The following SLIT1 variants were observed in gnomAD, a reference collection of about 807,000 sequenced individuals.
The protein encoded by SLIT1 is slit homolog 1 protein.
SLIT1 carries 66 observed loss-of-function variants against 186.1 expected under a neutral mutation model. The observed-to-expected ratio is 0.35, with a 90% CI of 0.29 to 0.44. SLIT1 has a LOEUF of 0.44. Among genes scored for constraint, SLIT1 ranks in the 20% least tolerant of loss-of-function variants. The pLI is 1.00. For synonymous variants in SLIT1, 761 were observed against 833.8 expected, an observed-to-expected ratio of 0.91 and a Z score of 1.50; for missense variants, 1,638 against 2,037.4, an observed-to-expected ratio of 0.80 and a Z score of 3.77.
intron 31 of SLIT1, among the ~76,000 whole-genome samples, chr10:97,007,331 G>T (rs1848367430): frequency 1.3e-5 from 2 of 152,108 alleles, no homozygotes; most frequent in South Asian, 4.1e-4. Flanking sequence ...CCCAGGCCCA[G>T]ATGGTTTAAC....
intron 4 of SLIT1, among the ~76,000 whole-genome samples, chr10:97,126,524 A>G (rs1427357452): frequency 6.6e-6 from 1 of 152,194 alleles, no homozygotes; most frequent in African/African-American, 2.4e-5. Context: ...TTCTTCACTG[A>G]TACATTTTAC....
chr10:97,114,747 G>C (rs1849494874), intron 4 of SLIT1, among the ~76,000 whole-genome samples: 1 of 152,132 alleles, frequency 6.6e-6, no homozygotes, highest in Non-Finnish European at 1.5e-5. Context: ...GAGTCCTAAG[G>C]AAGCTCGTCT....
At chr10:97,032,338 G>A (rs573123517) in intron 23 of SLIT1, among the ~76,000 whole-genome samples, 2 of 152,230 alleles carry the variant, frequency 1.3e-5, no homozygotes, top group South Asian at 4.1e-4. Context: ...GGAAGCTGAG[G>A]TGGGCGGATC....
At chr10:97,163,617 C>T (rs1484501369) in intron 2 of SLIT1, among the ~76,000 whole-genome samples, 166 bp from the exon 3 acceptor site, 2 of 152,262 alleles carry the variant, frequency 1.3e-5, no homozygotes, top group Non-Finnish European at 2.9e-5. Flanking sequence ...CTGGCCTGAG[C>T]GGACTCAATT....
At chr10:97,032,023 A>G (rs952903004) in intron 23 of SLIT1, among the ~76,000 whole-genome samples, 4 of 152,258 alleles carry the variant, frequency 2.6e-5, no homozygotes, top group Middle Eastern at 3.2e-3. Flanking sequence ...TGCTGTTGTT[A>G]TGATTGAGAA....
Position 97,004,984 on chromosome 10 carries a change from G to C in SLIT1, c.3580-161C>G, listed in dbSNP as rs537839403. On this transcript the variant is annotated intron_variant, in intron 32 of 36. Transcript: ENST00000266058. The surrounding 1 kb of genome is among the most constrained non-coding windows in gnomAD (Gnocchi z 5.1). Reference sequence around the variant, plus strand: ...CTCCCCAAGGCCATTCCTCCAGGGGGCACCAATAGGGGCTGCAGCCTCTGG... The same window carrying C: ...CTCCCCAAGGCCATTCCTCCAGGGGCCACCAATAGGGGCTGCAGCCTCTGG... Among the ~76,000 whole-genome samples, 2 of 152,276 alleles carry C rather than the reference G, an allele frequency of 1.3e-5. No homozygotes were observed. Among genetic ancestry groups the C allele is most frequent in the East Asian group, 3.9e-4 (2 of 5,180 alleles).
chr10:97,015,857 C>T (rs1003029508), intron 28 of SLIT1, among the ~76,000 whole-genome samples: 1 of 151,702 alleles, frequency 6.6e-6, no homozygotes, highest in Non-Finnish European at 1.5e-5. Context: ...AGACGCATGG[C>T]AGAGTACTCA....
intron 22 of SLIT1, among the ~76,000 whole-genome samples, chr10:97,036,637 A>G (rs537019041): frequency 1.0e-3 from 155 of 152,332 alleles, no homozygotes; most frequent in African/African-American, 2.4e-3. Flanking sequence ...TCTAATTACA[A>G]ACCCATTACA....
chr10:97,063,344 G>A (rs777661399), intron 8 of SLIT1, 111 bp downstream of exon 8: 12 of 1,178,002 alleles, frequency 1.0e-5, no homozygotes, highest in Non-Finnish European at 1.5e-5. Flanking sequence ...TGATGGGCGG[G>A]GTCAGGAGGT....
At chr10:97,183,415 C>A (rs954695435) in intron 1 of SLIT1, among the ~76,000 whole-genome samples, 2 of 152,236 alleles carry the variant, frequency 1.3e-5, no homozygotes, top group South Asian at 4.1e-4. Context: ...AGGTACCAGG[C>A]AATTCCCATA....
At chr10:97,057,717 C>G (rs1162475561) in intron 11 of SLIT1, 7 of 433,960 alleles carry the variant, frequency 1.6e-5, no homozygotes, top group Admixed American at 3.7e-5. Context: ...ACGGCATATG[C>G]AGTGTGAGAT....
intron 18 of SLIT1, among the ~76,000 whole-genome samples, chr10:97,045,881 G>A (rs564888763): frequency 1.3e-5 from 2 of 152,254 alleles, no homozygotes; most frequent in African/African-American, 4.8e-5. Flanking sequence ...TAGAGCTGTG[G>A]TGTCCAATAT....
chr10:97,003,270 T>C lies in SLIT1; in HGVS notation c.3866-278A>G, dbSNP rs540350712. Among the ~76,000 whole-genome samples the C allele has an allele frequency of 2.6e-5, 4 of 152,312 alleles. No homozygotes were observed. In the East Asian group the frequency reaches 7.7e-4, roughly 29 times the overall value. On this transcript the variant is annotated intron_variant, in intron 34 of 36. Transcript: ENST00000266058. ...GGCTCTGAGGTGCCTGTTCCTAAAG[T>C]CTGGCTTCCCTCGCCAAGGCGCCTT...
Position 97,001,342 on chromosome 10 carries a change from A to C in SLIT1, c.4375T>G (p.Cys1459Gly). The C allele has an allele frequency of 6.2e-7, 1 of 1,612,142 alleles. No homozygotes were observed. The highest frequency in any genetic ancestry group is 1.3e-5 in the African/African-American group (1 of 75,000). Residue 1459 changes from cysteine (C) to glycine (G), a missense_variant, in exon 37 of 37, where the codon TGC becomes GGC. Transcript: ENST00000266058. ...AAGTCCCGGACAGGGTCCCCCCGGC[A>C]CTCGGACTCTGGATGGGACAGACAC... is the stretch of plus-strand genomic sequence containing the variant. ...SGELCEQESE[C>G]RGDPVRDFHQ...
rs554174177 is a variant in SLIT1, at chr10:97,028,143, A to G, written c.2582+2614T>C. ...TAAAGACATGTCAGCAAAAATGAGC[A>G]TGCAACCAAAAATTACCCAACACAG... On this transcript the variant is annotated intron_variant, in intron 25 of 36. Coordinates refer to ENST00000266058, the MANE Select transcript of SLIT1 (RefSeq NM_003061.3). Among the ~76,000 whole-genome samples the G allele has an allele frequency of 3.9e-5, 6 of 152,280 alleles. No individual in the cohort carries two copies. The South Asian group carries it at 1.2e-3, about 32-fold the overall frequency.
intron 4 of SLIT1, among the ~76,000 whole-genome samples, chr10:97,104,124 G>A (rs754328840): frequency 3.3e-5 from 5 of 152,032 alleles, no homozygotes; most frequent in African/African-American, 4.8e-5. Context: ...AGCACTGGGG[G>A]TGCCGAGTGG....
chr10:97,042,812 CCTGTCCA>C, intron 20 of SLIT1, 82 bp downstream of exon 20: 2 of 1,407,970 alleles, frequency 1.4e-6, no homozygotes, highest in Non-Finnish European at 2.0e-6. Flanking sequence ...GGGGGTGCTG[CCTGTCCA>C]CTCCCATCTT....
intron 4 of SLIT1, among the ~76,000 whole-genome samples, chr10:97,079,350 C>T (rs112077935): frequency 6.6e-6 from 1 of 152,218 alleles, no homozygotes; most frequent in Non-Finnish European, 1.5e-5. Flanking sequence ...TGATCTGGTG[C>T]TGGTTACATG....
chr10:97,108,886 C>CAAAAAAA (rs11355026), intron 4 of SLIT1, among the ~76,000 whole-genome samples: 1 of 46,770 alleles, frequency 2.1e-5, no homozygotes, highest in African/African-American at 9.2e-5. Context: ...GTCTCAGTCT[C>CAAAAAAA]AAAAAAAAAA....
Sources: gnomAD v4.1 joint callset for allele counts (sites outside exome capture counted in the v4.1 genomes callset) on GRCh38, gnomAD v4.1.1 for gene constraint, Gnocchi (gnomAD v3.1) non-coding constraint, MANE v1.5 for transcripts, NCBI Gene and HGNC (gene_info 2026-07-23, HGNC 2026-07-21) for gene names.